CACHD1: variants seen among roughly 807,000 people sequenced by gnomAD.
The protein encoded by CACHD1 is cache domain containing 1.
CACHD1 carries 71 observed loss-of-function variants against 138.7 expected under a neutral mutation model. That is an observed-to-expected ratio of 0.51 (90% CI 0.42 to 0.62). The LOEUF (loss-of-function observed/expected upper bound fraction) is 0.62. Ranked by LOEUF, CACHD1 falls within the 20% of genes least tolerant of loss-of-function variation. The pLI, the probability that CACHD1 is intolerant of heterozygous loss-of-function variation, is 0.00. For missense variants in CACHD1, 1,389 were observed against 1,625.3 expected, an observed-to-expected ratio of 0.85 and a Z score of 2.50; for synonymous variants, 578 against 591.5, an observed-to-expected ratio of 0.98 and a Z score of 0.33.
intron 3 of CACHD1, among the ~76,000 whole-genome samples, chr1:64,592,322 A>G (rs899084941): frequency 6.6e-6 from 1 of 152,230 alleles, no homozygotes; most frequent in African/African-American, 2.4e-5. Context: ...TGTATAAGAC[A>G]TTGTACTAGG....
chr1:64,606,392 T>G (rs987360395), intron 4 of CACHD1, among the ~76,000 whole-genome samples: 3 of 152,000 alleles, frequency 2.0e-5, no homozygotes, highest in Non-Finnish European at 2.9e-5. Flanking sequence ...TTGAATTGAG[T>G]GACTGTTTGG....
At chr1:64,633,074 C>A (rs529991023) in intron 6 of CACHD1, among the ~76,000 whole-genome samples, 2 of 152,286 alleles carry the variant, frequency 1.3e-5, no homozygotes, top group South Asian at 2.1e-4. Flanking sequence ...CAGCGGTTCT[C>A]CTTTATGATT....
chr1:64,513,112 C>A (rs1031527577), intron 1 of CACHD1, among the ~76,000 whole-genome samples: 1 of 152,194 alleles, frequency 6.6e-6, no homozygotes, highest in Non-Finnish European at 1.5e-5. Context: ...TATCCATCTG[C>A]AAATTTACAG....
intron 1 of CACHD1, among the ~76,000 whole-genome samples, chr1:64,501,847 C>T (rs760689405): frequency 5.9e-5 from 9 of 152,278 alleles, no homozygotes; most frequent in East Asian, 1.9e-4. Context: ...TAGGGGCTTA[C>T]GTGTAGATTT....
chr1:64,660,596 T>A (rs965458512), intron 13 of CACHD1, among the ~76,000 whole-genome samples: 1 of 152,072 alleles, frequency 6.6e-6, no homozygotes, highest in Non-Finnish European at 1.5e-5. Flanking sequence ...AGTGGCACGA[T>A]CTTGGCTCAC....
intron 2 of CACHD1, among the ~76,000 whole-genome samples, chr1:64,566,637 G>T (rs780037360): frequency 1.4e-5 from 2 of 145,774 alleles, no homozygotes; most frequent in African/African-American, 2.5e-5. Flanking sequence ...ATGGTCTTTC[G>T]TTTTCCCCCA....
intron 1 of CACHD1, among the ~76,000 whole-genome samples, chr1:64,546,722 G>A (rs1220655767): frequency 6.6e-6 from 1 of 152,062 alleles, no homozygotes; most frequent in African/African-American, 2.4e-5. Context: ...TTACCCTGAA[G>A]TCACAAAAAT....
At position 64,594,266 on chromosome 1, in the gene CACHD1, AAAAG is replaced by A. The variant is rs1469719902; in HGVS notation, c.411-8531_411-8528del. ...CAAAACTTTGTCTAAAAAAAAAAAA[AAAAG>A]AAAGAAAGGTTATGGCAGGACTTAC... On this transcript the variant is annotated intron_variant, in intron 3 of 26. Coordinates refer to ENST00000651257, the MANE Select transcript of CACHD1 (RefSeq NM_020925.4). Among the ~76,000 whole-genome samples, 43 of 151,684 alleles carry A rather than the reference AAAAG, an allele frequency of 2.8e-4. 1 individual carries two copies. The highest frequency in any genetic ancestry group is 1.2e-4 in the Non-Finnish European group (8 of 67,920).
intron 10 of CACHD1, among the ~76,000 whole-genome samples, 161 bp from the exon 11 acceptor site, chr1:64,653,597 G>A (rs1445354502): frequency 6.6e-6 from 1 of 152,104 alleles, no homozygotes; most frequent in Non-Finnish European, 1.5e-5. Context: ...TTTTATGTAA[G>A]CACATATAAA....
At chr1:64,522,976 A>T (rs758139217) in intron 1 of CACHD1, among the ~76,000 whole-genome samples, 5 of 152,220 alleles carry the variant, frequency 3.3e-5, no homozygotes, top group Non-Finnish European at 5.9e-5. Context: ...ATACTGTGTC[A>T]TAAGTGCTGG....
intron 8 of CACHD1, 104 bp downstream of exon 8, chr1:64,642,073 C>A: frequency 8.9e-7 from 1 of 1,121,146 alleles, no homozygotes; most frequent in Non-Finnish European, 1.2e-6. Context: ...TGGATGAAGG[C>A]TACGGGAAAA....
Position 64,470,835 on chromosome 1 carries a change from C to T in CACHD1, c.91C>T (p.Leu31=). The T allele has an allele frequency of 2.6e-6, 4 of 1,562,892 alleles. No individual in the cohort carries two copies. Among genetic ancestry groups the T allele is most frequent in the Non-Finnish European group, 3.5e-6 (4 of 1,155,058 alleles). Reference sequence around the variant, plus strand: ...GCTCTGCCTGGTCGCGTGCTGGCTCCTGGGCGCCGGGGCCGAAGCCGACTT... The same window carrying T: ...GCTCTGCCTGGTCGCGTGCTGGCTCTTGGGCGCCGGGGCCGAAGCCGACTT... ...WLLCLVACWL[L]GAGAEADFSI... The change falls in exon 1 of 27, where the codon CTG becomes TTG. Residue 31 remains leucine (L), a synonymous_variant. Transcript: ENST00000651257. This position sits in a 1 kb window ranked among gnomAD's most constrained non-coding sequence, Gnocchi z 5.2.
At chr1:64,669,564 G>T (rs921799447) in intron 16 of CACHD1, among the ~76,000 whole-genome samples, 1 of 152,172 alleles carries the variant, frequency 6.6e-6, no homozygotes, top group Admixed American at 6.5e-5. Flanking sequence ...GAGAAGGGTG[G>T]TGCTGCTAGA....
intron 1 of CACHD1, among the ~76,000 whole-genome samples, chr1:64,530,547 C>T (rs1465171243): frequency 1.3e-5 from 2 of 151,450 alleles, no homozygotes; most frequent in African/African-American, 2.4e-5. Flanking sequence ...CCATTATTAA[C>T]GAGCTGACTC....
intron 1 of CACHD1, among the ~76,000 whole-genome samples, chr1:64,498,956 G>A (rs932724515): frequency 6.6e-6 from 1 of 152,228 alleles, no homozygotes; most frequent in African/African-American, 2.4e-5. Flanking sequence ...CAGCCTTGCT[G>A]TAGCCAGTCT....
intron 3 of CACHD1, among the ~76,000 whole-genome samples, chr1:64,594,625 G>C: frequency 6.6e-6 from 1 of 152,156 alleles, no homozygotes; most frequent in East Asian, 1.9e-4. Context: ...TGCGTTTTTC[G>C]TGTGACCTTC....
At chr1:64,473,535 G>A (rs1646157683) in intron 1 of CACHD1, among the ~76,000 whole-genome samples, 1 of 152,036 alleles carries the variant, frequency 6.6e-6, no homozygotes, top group Non-Finnish European at 1.5e-5. Context: ...GCCTCACATA[G>A]GCTTTAAGGT....
intron 1 of CACHD1, among the ~76,000 whole-genome samples, chr1:64,489,287 C>T (rs1280125519): frequency 6.6e-6 from 1 of 152,086 alleles, no homozygotes; most frequent in African/African-American, 2.4e-5. Context: ...TTCCATTTTC[C>T]AATCTCCCAG....
chr1:64,499,770 C>T (rs916317928), intron 1 of CACHD1, among the ~76,000 whole-genome samples: 2 of 152,152 alleles, frequency 1.3e-5, no homozygotes, highest in South Asian at 2.1e-4. Context: ...AGTTGTTAGA[C>T]CCATCATTAG....
Sources: allele counts gnomAD v4.1 joint callset (sites outside exome capture counted in the v4.1 genomes callset), GRCh38; gene constraint gnomAD v4.1.1; non-coding constraint Gnocchi (gnomAD v3.1); transcripts MANE v1.5; gene names NCBI Gene and HGNC (gene_info 2026-07-23, HGNC 2026-07-21).